The following PPARGC1A variants were observed in gnomAD, a reference collection of about 807,000 sequenced individuals.
PPARGC1A encodes the protein PPARG coactivator 1 alpha, also known as peroxisome proliferator-activated receptor gamma coactivator 1-alpha.
Under a neutral mutation model 88.7 loss-of-function variants are expected in PPARGC1A, and 25 were observed. The ratio of observed to expected loss-of-function variants is 0.28; its 90% CI spans 0.21 to 0.39. PPARGC1A has a LOEUF of 0.39. Ranked by LOEUF, PPARGC1A falls within the 10% of genes least tolerant of loss-of-function variation. The pLI, the probability that PPARGC1A is intolerant of heterozygous loss-of-function variation, is 1.00. For missense variants in PPARGC1A, 880 were observed against 968.7 expected (o/e 0.91, Z 1.22); for synonymous variants, 363 against 355.6 (o/e 1.02, Z -0.24).
intron 12 of PPARGC1A, among the ~76,000 whole-genome samples, chr4:23,798,464 GGATGTGGGAAC>G (rs1718039141): frequency 1.3e-5 from 2 of 151,960 alleles, no homozygotes; most frequent in Non-Finnish European, 2.9e-5. Context: ...ATTTATATTG[GGATGTGGGAAC>G]GATTTATCAA....
At chr4:23,965,620 A>G in the PPARGC1A span, among the ~76,000 whole-genome samples, 162 of 152,272 alleles carry the variant, frequency 1.1e-3, no homozygotes, top group Admixed American at 2.2e-3. Context: ...CAAACACTCA[A>G]TATTTGTTAG....
At chr4:24,187,160 G>A in the PPARGC1A span, among the ~76,000 whole-genome samples, 2 of 152,162 alleles carry the variant, frequency 1.3e-5, no homozygotes, top group South Asian at 4.1e-4. Flanking sequence ...GGCTCAAGGT[G>A]ATGATGATGA....
At chr4:24,382,122 A>C in the PPARGC1A span, among the ~76,000 whole-genome samples, 32 of 151,818 alleles carry the variant, frequency 2.1e-4, 1 homozygote, top group African/African-American at 7.7e-4. Flanking sequence ...ATTCAGTCGG[A>C]CATTATAAGA....
upstream of PPARGC1A, among the ~76,000 whole-genome samples, chr4:23,905,266 G>C (rs1435391584): frequency 3.3e-5 from 5 of 152,214 alleles, no homozygotes; most frequent in African/African-American, 1.2e-4. Flanking sequence ...TGGAAACGAT[G>C]TCAGACAAGG....
the PPARGC1A span, among the ~76,000 whole-genome samples, chr4:24,326,398 C>T: frequency 1.3e-5 from 2 of 152,110 alleles, no homozygotes; most frequent in Non-Finnish European, 2.9e-5. Context: ...TGGTGCCAAA[C>T]CCATATACTC....
the PPARGC1A span, among the ~76,000 whole-genome samples, chr4:24,387,766 G>GAAAGAAAGAAAGAAAGAAAGAA: frequency 9.6e-5 from 5 of 52,080 alleles, no homozygotes; most frequent in East Asian, 5.1e-4. Flanking sequence ...GAGAGAGAGA[G>GAAAGAAAGAAAGAAAGAAAGAA]AGAAAGAAAG....
chr4:23,928,913 G>C, the PPARGC1A span, among the ~76,000 whole-genome samples: 1 of 152,074 alleles, frequency 6.6e-6, no homozygotes, highest in Admixed American at 6.5e-5. Context: ...TGTTTATAAG[G>C]GAGCTGAACA....
At chr4:24,245,246 A>G in the PPARGC1A span, among the ~76,000 whole-genome samples, 1 of 152,226 alleles carries the variant, frequency 6.6e-6, no homozygotes, top group African/African-American at 2.4e-5. Flanking sequence ...GTGTACCCCA[A>G]GGTTACTTAC....
chr4:23,833,790 GT>G (rs1455716705), intron 2 of PPARGC1A, among the ~76,000 whole-genome samples: 1 of 152,176 alleles, frequency 6.6e-6, no homozygotes, highest in Admixed American at 6.5e-5. Context: ...TTTAATTGAC[GT>G]TTTTTAATTT....
At chr4:24,177,873 T>C in the PPARGC1A span, among the ~76,000 whole-genome samples, 2 of 152,100 alleles carry the variant, frequency 1.3e-5, no homozygotes, top group Non-Finnish European at 2.9e-5. Context: ...GATAGAACTA[T>C]GGAATGAGTG....
At chr4:24,038,981 A>G in the PPARGC1A span, among the ~76,000 whole-genome samples, 1 of 152,156 alleles carries the variant, frequency 6.6e-6, no homozygotes, top group Admixed American at 6.6e-5. Context: ...GTCTTGTCTT[A>G]CACAATTTAA....
chr4:24,442,312 G>T, the PPARGC1A span, among the ~76,000 whole-genome samples: 1 of 152,100 alleles, frequency 6.6e-6, no homozygotes, highest in East Asian at 1.9e-4. Context: ...AACATGAAAA[G>T]GTTCATGGGT....
At chr4:24,302,344 G>A in the PPARGC1A span, among the ~76,000 whole-genome samples, 10 of 152,202 alleles carry the variant, frequency 6.6e-5, no homozygotes, top group Admixed American at 2.0e-4. Context: ...CCCACAGACT[G>A]ATGGGCAACT....
the PPARGC1A span, among the ~76,000 whole-genome samples, chr4:24,395,952 C>T: frequency 6.6e-6 from 1 of 152,200 alleles, no homozygotes; most frequent in African/African-American, 2.4e-5. Flanking sequence ...ATTCTACCTT[C>T]TCATTTTTGG....
the PPARGC1A span, among the ~76,000 whole-genome samples, chr4:24,065,143 C>T: frequency 1.1e-4 from 17 of 152,118 alleles, no homozygotes; most frequent in Non-Finnish European, 1.9e-4. Flanking sequence ...GAGAAGGGAC[C>T]TACCTGATTC....
At chr4:24,330,082 G>T in the PPARGC1A span, among the ~76,000 whole-genome samples, 7 of 152,126 alleles carry the variant, frequency 4.6e-5, no homozygotes, top group Admixed American at 3.9e-4. Context: ...GCATTACTCA[G>T]TATTCTCTAC....
At chr4:24,353,221 T>C in the PPARGC1A span, among the ~76,000 whole-genome samples, 1 of 150,402 alleles carries the variant, frequency 6.6e-6, no homozygotes, top group South Asian at 2.1e-4. Flanking sequence ...TCCTCTTTCG[T>C]CTTAAATACC....
chr4:24,171,674 T>C, the PPARGC1A span, among the ~76,000 whole-genome samples: 1 of 152,194 alleles, frequency 6.6e-6, no homozygotes, highest in African/African-American at 2.4e-5. Context: ...AAGCAAACTT[T>C]CTATGTGATA....
chr4:24,390,612 T>C, the PPARGC1A span, among the ~76,000 whole-genome samples: 1 of 152,116 alleles, frequency 6.6e-6, no homozygotes, highest in Admixed American at 6.5e-5. Flanking sequence ...TTTTACGTCA[T>C]CATAAACTGC....
Sources: allele counts gnomAD v4.1 joint callset (sites outside exome capture counted in the v4.1 genomes callset), GRCh38; gene constraint gnomAD v4.1.1; transcripts MANE v1.5; gene names NCBI Gene and HGNC (gene_info 2026-07-23, HGNC 2026-07-21).